The following DAPK2 variants were observed in gnomAD, a reference collection of about 807,000 sequenced individuals.
DAPK2 encodes the protein death-associated protein kinase 2.
DAPK2 carries 35 observed loss-of-function variants against 44.1 expected under a neutral mutation model. The ratio of observed to expected loss-of-function variants is 0.79; its 90% confidence interval spans 0.61 to 1.05. The LOEUF (loss-of-function observed/expected upper bound fraction) is 1.05, where lower values mean the gene tolerates loss of function less well. Ranked by LOEUF, DAPK2 falls within the 50% of genes least tolerant of loss-of-function variation. The pLI is 0.00. For synonymous variants in DAPK2, 174 were observed against 182.6 expected (o/e 0.95, Z 0.38); for missense variants, 453 against 483.2 (o/e 0.94, Z 0.59).
At chr15:63,947,610 C>A (rs576898651) in intron 3 of DAPK2, among the ~76,000 whole-genome samples, 34 of 152,320 alleles carry the variant, frequency 2.2e-4, no homozygotes, top group African/African-American at 8.2e-4. Context: ...ATAGGTTTCT[C>A]ACCTATAAAT....
chr15:64,017,640 T>C (rs1158371153), intron 1 of DAPK2, among the ~76,000 whole-genome samples: 1 of 152,240 alleles, frequency 6.6e-6, no homozygotes, highest in African/African-American at 2.4e-5. Flanking sequence ...CCAGGCCACT[T>C]AACATCTCCA....
At chr15:64,032,159 C>G (rs755521225) in intron 1 of DAPK2, among the ~76,000 whole-genome samples, 3 of 152,098 alleles carry the variant, frequency 2.0e-5, no homozygotes, top group Admixed American at 2.0e-4. Flanking sequence ...AACCTTCAGT[C>G]CAGCAGGGAG....
At chr15:63,973,494 G>A (rs1160469204) in intron 2 of DAPK2, among the ~76,000 whole-genome samples, 1 of 152,202 alleles carries the variant, frequency 6.6e-6, no homozygotes, top group Non-Finnish European at 1.5e-5. Flanking sequence ...TTTAGAATGG[G>A]AATGTGTATC....
chr15:64,037,342 C>T, intron 1 of DAPK2, among the ~76,000 whole-genome samples: 1 of 152,242 alleles, frequency 6.6e-6, no homozygotes, highest in East Asian at 1.9e-4. Flanking sequence ...ATTTACCCTT[C>T]AGTTCTCAAA....
At chr15:63,933,627 C>G (rs1230618638) in intron 4 of DAPK2, among the ~76,000 whole-genome samples, 3 of 126,122 alleles carry the variant, frequency 2.4e-5, no homozygotes, top group Admixed American at 8.6e-5. Context: ...GAGACAGGGT[C>G]TTGCTTAGTC....
chr15:63,969,645 G>A (rs1347353459), intron 3 of DAPK2, among the ~76,000 whole-genome samples: 2 of 152,050 alleles, frequency 1.3e-5, no homozygotes, highest in African/African-American at 4.8e-5. Flanking sequence ...GGAGGCTAAG[G>A]CAAGTGGATA....
In DAPK2 at chr15:63,963,344, T is replaced by G. The variant is rs1041000463; in HGVS notation, c.453+8079A>C. Among the ~76,000 whole-genome samples, 4 of 152,216 alleles carry G rather than the reference T, an allele frequency of 2.6e-5. No individual in the cohort carries two copies. The South Asian group carries it at 8.3e-4, about 31-fold the overall frequency. On this transcript the variant is annotated intron_variant, in intron 3 of 10. Transcript: ENST00000261891. Reference sequence around the variant, plus strand: ...CCTGCTCCATGGGCTGCACCCACTTTCTGACAAGCCCCAGTGAGAGGAACC... The same window carrying G: ...CCTGCTCCATGGGCTGCACCCACTTGCTGACAAGCCCCAGTGAGAGGAACC...
chr15:63,908,574 C>T lies in DAPK2; in HGVS notation c.1059G>A (p.Glu353=). The T allele has an allele frequency of 1.2e-6, 2 of 1,602,014 alleles. No individual in the cohort carries two copies. The highest frequency in any genetic ancestry group is 1.7e-6 in the Non-Finnish European group (2 of 1,175,554). ...GGAGGGCTTTCCTCCTGGCGATGTC[C>T]TCCTCAGTGTCACTCTCACAGTTCC... The change falls in exon 11 of 11, where the codon GAG becomes GAA. Residue 353 remains glutamate, a synonymous_variant. Transcript: ENST00000261891. The surrounding 1 kb of genome is among the most constrained non-coding windows in gnomAD (Gnocchi z 5.7).
intron 2 of DAPK2, among the ~76,000 whole-genome samples, chr15:63,983,284 G>A (rs2078576614): frequency 1.3e-5 from 2 of 152,196 alleles, no homozygotes; most frequent in South Asian, 4.1e-4. Flanking sequence ...GCCAGACTTA[G>A]GCCATTGCCC....
intron 2 of DAPK2, among the ~76,000 whole-genome samples, chr15:63,976,537 A>T (rs2140794630): frequency 6.6e-6 from 1 of 152,062 alleles, no homozygotes; most frequent in East Asian, 1.9e-4. Context: ...TGGGCAACAT[A>T]GTGAGACACT....
At chr15:63,925,842 G>A (rs1567207078) in intron 7 of DAPK2, 99 bp downstream of exon 8, 1 of 1,479,228 alleles carries the variant, frequency 6.8e-7, no homozygotes, top group African/African-American at 1.4e-5. Context: ...CAGTGCAGAT[G>A]ACAGCTATGT....
At chr15:64,030,834 G>A (rs1247710147) in intron 1 of DAPK2, among the ~76,000 whole-genome samples, 3 of 152,008 alleles carry the variant, frequency 2.0e-5, no homozygotes, top group African/African-American at 4.8e-5. Flanking sequence ...CAAAGTCTAG[G>A]GCACATGCCT....
chr15:64,032,659 A>G (rs1347461559), intron 1 of DAPK2, among the ~76,000 whole-genome samples: 1 of 152,188 alleles, frequency 6.6e-6, no homozygotes, highest in Non-Finnish European at 1.5e-5. Flanking sequence ...CAAGATTCAG[A>G]AATAAAAATA....
intron 3 of DAPK2, among the ~76,000 whole-genome samples, chr15:63,941,916 A>G (rs951512218): frequency 3.9e-5 from 6 of 152,176 alleles, no homozygotes; most frequent in African/African-American, 1.4e-4. Flanking sequence ...AGTCAGCTGC[A>G]ACCTCCCAAC....
intron 3 of DAPK2, among the ~76,000 whole-genome samples, chr15:63,950,598 T>C (rs2077562068): frequency 6.6e-6 from 1 of 152,184 alleles, no homozygotes; most frequent in African/African-American, 2.4e-5. Context: ...TTATTTTTTA[T>C]TTTTTTGGAT....
At chr15:63,922,259 G>A in intron 8 of DAPK2, 2 of 986,854 alleles carry the variant, frequency 2.0e-6, no homozygotes, top group Non-Finnish European at 1.2e-6. Flanking sequence ...CAAACGAAAG[G>A]CAATATTATT....
intron 10 of DAPK2, 29 bp downstream of exon 11, chr15:63,911,879 G>A: frequency 6.2e-7 from 1 of 1,608,146 alleles, no homozygotes; most frequent in Non-Finnish European, 8.5e-7. Flanking sequence ...CCAGAATTCT[G>A]CCCAAGAAGA....
chr15:63,952,721 A>C (rs1403650377), intron 3 of DAPK2, among the ~76,000 whole-genome samples: 1 of 151,870 alleles, frequency 6.6e-6, no homozygotes, highest in Admixed American at 6.6e-5. Flanking sequence ...AGATATTTTG[A>C]TACAGGCATA....
At chr15:63,927,787 A>G (rs1312306373) in intron 6 of DAPK2, among the ~76,000 whole-genome samples, 1 of 150,394 alleles carries the variant, frequency 6.6e-6, no homozygotes, top group Non-Finnish European at 1.5e-5. Context: ...GTTGCCCAGG[A>G]CGGAGTGCAG....
Sources: allele counts gnomAD v4.1 joint callset (sites outside exome capture counted in the v4.1 genomes callset), GRCh38; gene constraint gnomAD v4.1.1; non-coding constraint Gnocchi (gnomAD v3.1); transcripts MANE v1.5; gene names NCBI Gene and HGNC (gene_info 2026-07-23, HGNC 2026-07-21).